The following RNF144B variants were observed in gnomAD, a reference collection of about 807,000 sequenced individuals.
RNF144B encodes the protein ring finger protein 144B, also known as E3 ubiquitin-protein ligase RNF144B.
A neutral mutation model predicts 40.2 loss-of-function variants in RNF144B; 25 were observed. The observed-to-expected ratio is 0.62, with a 90% CI of 0.45 to 0.87. RNF144B has a LOEUF of 0.87. Among genes scored for constraint, RNF144B ranks in the 40% least tolerant of loss-of-function variants. RNF144B has a pLI of 0.00. For synonymous variants in RNF144B, 145 were observed against 136.3 expected (o/e 1.06, Z -0.44); for missense variants, 365 against 373.7 (o/e 0.98, Z 0.19).
rs1189757208 is a variant in RNF144B at position 18,414,251 on chromosome 6, C to T, written c.166-13330C>T. ...TTCTACTTTTTCAGAGTTCAGTTCT[C>T]TTAAATCTAAGAGATTCTCTTTTGT... On this transcript the variant is annotated intron_variant, in intron 2 of 7. Transcript: ENST00000259939. The surrounding 1 kb of genome is among the most constrained non-coding windows in gnomAD (Gnocchi z 4.9). Among the ~76,000 whole-genome samples the T allele has an allele frequency of 6.6e-6, 1 of 152,126 alleles. No homozygotes were observed. The highest frequency in any genetic ancestry group is 1.5e-5 in the Non-Finnish European group (1 of 68,008).
At chr6:18,462,641 A>G (rs553207969) in intron 6 of RNF144B, among the ~76,000 whole-genome samples, 4 of 149,612 alleles carry the variant, frequency 2.7e-5, no homozygotes, top group South Asian at 2.2e-4. Flanking sequence ...ACCCTGAGCT[A>G]GTTTCTCTGC....
At chr6:18,388,717 A>G (rs977077225) in intron 1 of RNF144B, among the ~76,000 whole-genome samples, 6 of 152,302 alleles carry the variant, frequency 3.9e-5, no homozygotes, top group Admixed American at 3.9e-4. Flanking sequence ...TAGCAGATCC[A>G]CAAAGCCACT....
In RNF144B at chr6:18,459,656, T is replaced by C; in HGVS notation, c.586T>C (p.Cys196Arg). 1 of 1,614,086 alleles carries C rather than the reference T, an allele frequency of 6.2e-7. No individual in the cohort carries two copies. The highest frequency in any genetic ancestry group is 1.1e-5 in the South Asian group (1 of 91,078). The change falls in exon 6 of 8, where the codon TGC (cysteine) becomes CGC (arginine). Residue 196 changes from cysteine to arginine, a missense_variant. Transcript: ENST00000259939. The surrounding 1 kb of genome is among the most constrained non-coding windows in gnomAD (Gnocchi z 4.2). ...AEAPIKQCPV[C>R]RVYIERNEGC... ...AGCCCCCATTAAGCAGTGCCCAGTT[T>C]GCCGGGTTTATATCGAACGCAATGA...
intron 2 of RNF144B, among the ~76,000 whole-genome samples, chr6:18,426,929 A>T (rs572017599): frequency 6.7e-6 from 1 of 149,844 alleles, no homozygotes; most frequent in Non-Finnish European, 1.5e-5. Flanking sequence ...TCCTACTCCA[A>T]CCTCCTTAAC....
At chr6:18,462,601 C>T (rs548202641) in intron 6 of RNF144B, among the ~76,000 whole-genome samples, 2 of 151,912 alleles carry the variant, frequency 1.3e-5, no homozygotes, top group Non-Finnish European at 2.9e-5. Flanking sequence ...ATGAACAGAC[C>T]ATTAGATAGA....
intron 2 of RNF144B, among the ~76,000 whole-genome samples, chr6:18,415,137 T>C (rs1445560053): frequency 6.6e-6 from 1 of 152,224 alleles, no homozygotes; most frequent in Non-Finnish European, 1.5e-5. Context: ...GTATTTCTTA[T>C]TGTGATTTTA....
In RNF144B at chr6:18,409,419, C is replaced by A. The variant is rs541629937; in HGVS notation, c.165+9720C>A. ...AAAAAAAAAACCCTGGAAAACTCTT[C>A]TTTTTCTGGGTAGATCTCTTTGAAC... On this transcript the variant is annotated intron_variant, in intron 2 of 7. Transcript: ENST00000259939. Among the ~76,000 whole-genome samples, 782 of 134,674 alleles carry A rather than the reference C, an allele frequency of 5.8e-3. 8 individuals carry two copies. The highest frequency in any genetic ancestry group is 7.1e-3 in the Non-Finnish European group (445 of 62,990). 88.4% of individuals were successfully genotyped at this position (134,674 alleles called of 152,430 possible).
intron 2 of RNF144B, among the ~76,000 whole-genome samples, chr6:18,423,762 C>T (rs1427551478): frequency 7.1e-6 from 1 of 140,276 alleles, no homozygotes; most frequent in Non-Finnish European, 1.6e-5. Flanking sequence ...GTTTGACGAA[C>T]AATCCTTATT....
intron 4 of RNF144B, among the ~76,000 whole-genome samples, chr6:18,453,385 G>A (rs144907663): frequency 0.03 from 4,629 of 151,876 alleles, 153 homozygotes; most frequent in South Asian, 0.16. Flanking sequence ...TGATCCACCC[G>A]CCTCAGCCTC....
In RNF144B at chr6:18,395,539, G is replaced by GCTCAAT. The variant is rs1304871316; in HGVS notation, c.-36-3959_-36-3958insTCAATC. On this transcript the variant is annotated intron_variant, in intron 1 of 7. Coordinates refer to ENST00000259939, the MANE Select transcript of RNF144B (RefSeq NM_182757.4). This position sits in a 1 kb window ranked among gnomAD's most constrained non-coding sequence, Gnocchi z 4.5. Reference sequence around the variant, plus strand: ...GTTTACTGATTGAAGAGCTCATTTTGCAATGAATCAATGGTGAAAGGATTT... The same window carrying GCTCAAT: ...GTTTACTGATTGAAGAGCTCATTTTGCTCAATCAATGAATCAATGGTGAAAGGATTT... Among the ~76,000 whole-genome samples, 1 of 151,840 alleles carries GCTCAAT rather than the reference G, an allele frequency of 6.6e-6. No individual in the cohort carries two copies. The highest frequency in any genetic ancestry group is 1.5e-5 in the Non-Finnish European group (1 of 67,966).
intron 1 of RNF144B, chr6:18,396,865 G>T: frequency 2.0e-6 from 2 of 980,924 alleles, no homozygotes; most frequent in African/African-American, 1.7e-5. Context: ...CATAAAGAGA[G>T]ATTTTTTACA....
At chr6:18,463,119 T>C (rs1299347660) in intron 6 of RNF144B, among the ~76,000 whole-genome samples, 172 bp from the exon 7 acceptor site, 1 of 152,182 alleles carries the variant, frequency 6.6e-6, no homozygotes, top group Non-Finnish European at 1.5e-5. Context: ...GCTTTCACTT[T>C]GGTGATTTAC....
intron 3 of RNF144B, among the ~76,000 whole-genome samples, chr6:18,429,906 C>T (rs1159411953): frequency 6.6e-6 from 1 of 152,108 alleles, no homozygotes; most frequent in Non-Finnish European, 1.5e-5. Context: ...TCTTATGGAG[C>T]TTCTGGTCCA....
intron 2 of RNF144B, among the ~76,000 whole-genome samples, chr6:18,403,670 A>G (rs1229717906): frequency 6.6e-6 from 1 of 152,156 alleles, no homozygotes; most frequent in Admixed American, 6.5e-5. Flanking sequence ...GGTTTGGGAG[A>G]CCGTCTTAGT....
At position 18,446,092 on chromosome 6, in the gene RNF144B, G is replaced by A. The variant is rs1759075255; in HGVS notation, c.331+6348G>A. ...ACTTCCAGCTGGTGTCTACCAGTTT[G>A]TTCCTTTTAGCTTGGGTTCTGTGTA... On this transcript the variant is annotated intron_variant, in intron 4 of 7. Transcript: ENST00000259939. This position sits in a 1 kb window ranked among gnomAD's most constrained non-coding sequence, Gnocchi z 4.7. Among the ~76,000 whole-genome samples, 1 of 152,180 alleles carries A rather than the reference G, an allele frequency of 6.6e-6. No individual in the cohort carries two copies. The highest frequency in any genetic ancestry group is 6.5e-5 in the Admixed American group (1 of 15,270).
At chr6:18,424,116 A>G (rs960356941) in intron 2 of RNF144B, among the ~76,000 whole-genome samples, 1 of 152,110 alleles carries the variant, frequency 6.6e-6, no homozygotes, top group African/African-American at 2.4e-5. Context: ...TTTCCCCCCT[A>G]GAATTGTTAA....
intron 4 of RNF144B, among the ~76,000 whole-genome samples, chr6:18,451,615 GAAT>G (rs1206408650): frequency 6.6e-6 from 1 of 152,156 alleles, no homozygotes; most frequent in African/African-American, 2.4e-5. Flanking sequence ...AACATTTGCT[GAAT>G]GTGACTATAG....
At chr6:18,421,776 T>C (rs1758434292) in intron 2 of RNF144B, among the ~76,000 whole-genome samples, 1 of 152,142 alleles carries the variant, frequency 6.6e-6, no homozygotes. Flanking sequence ...GAGCTGGGCC[T>C]TAGGGTGCTA....
At chr6:18,390,964 C>A (rs1314834174) in intron 1 of RNF144B, among the ~76,000 whole-genome samples, 2 of 152,210 alleles carry the variant, frequency 1.3e-5, no homozygotes, top group Non-Finnish European at 2.9e-5. Flanking sequence ...CTGCACTTTG[C>A]TCAGGTGGGG....
Sources: gnomAD v4.1 joint callset for allele counts (sites outside exome capture counted in the v4.1 genomes callset) on GRCh38, gnomAD v4.1.1 for gene constraint, Gnocchi (gnomAD v3.1) non-coding constraint, MANE v1.5 for transcripts, NCBI Gene and HGNC (gene_info 2026-07-23, HGNC 2026-07-21) for gene names.